The following SRGAP2C variants were observed in gnomAD, a reference collection of about 807,000 sequenced individuals.
SRGAP2C encodes the protein SLIT-ROBO Rho GTPase-activating protein 2C.
A neutral mutation model predicts 25.1 loss-of-function variants in SRGAP2C; 15 were observed. The observed-to-expected ratio is 0.60, with a 90% CI of 0.40 to 0.92. SRGAP2C has a LOEUF of 0.92. Among genes scored for constraint, SRGAP2C ranks in the 40% least tolerant of loss-of-function variants. SRGAP2C has a pLI of 0.00. For synonymous variants in SRGAP2C, 44 were observed against 96.6 expected (o/e 0.46, Z 3.19); for missense variants, 144 against 264.4 (o/e 0.54, Z 3.16).
At chr1:121,226,409 G>A (rs1553326556) in intron 2 of SRGAP2C, among the ~76,000 whole-genome samples, 1 of 149,548 alleles carries the variant, frequency 6.7e-6, no homozygotes, top group East Asian at 2.0e-4. Context: ...TCTTGTTTAT[G>A]TTAACTGTGT....
intron 2 of SRGAP2C, among the ~76,000 whole-genome samples, chr1:121,222,136 T>G (rs1197007170): frequency 6.6e-6 from 1 of 152,026 alleles, no homozygotes; most frequent in African/African-American, 2.4e-5. Context: ...GTGAGGTGGA[T>G]ATTATTGTCC....
At chr1:121,206,126 A>G (rs1232985310) in intron 2 of SRGAP2C, among the ~76,000 whole-genome samples, 3 of 150,866 alleles carry the variant, frequency 2.0e-5, no homozygotes, top group African/African-American at 7.3e-5. Flanking sequence ...CACAGCCCCC[A>G]CCGTGCTTAC....
chr1:121,285,226 A>G (rs1158252467), intron 3 of SRGAP2C, among the ~76,000 whole-genome samples: 3 of 151,198 alleles, frequency 2.0e-5, no homozygotes, highest in Non-Finnish European at 4.4e-5. Context: ...AAACTTGTTT[A>G]TAGCTCTGTT....
chr1:121,368,466 G>A (rs1184419311), intron 5 of SRGAP2C, among the ~76,000 whole-genome samples: 3 of 149,166 alleles, frequency 2.0e-5, no homozygotes, highest in African/African-American at 4.9e-5. Flanking sequence ...ATTAAGATAG[G>A]TTTAGGACTG....
chr1:121,366,811 G>A (rs587769226), intron 5 of SRGAP2C, among the ~76,000 whole-genome samples: 148 of 151,476 alleles, frequency 9.8e-4, no homozygotes, highest in African/African-American at 3.4e-3. Context: ...TTTCTGGGGA[G>A]GGGTAGTTTG....
intron 3 of SRGAP2C, among the ~76,000 whole-genome samples, chr1:121,315,349 C>A (rs1199677636): frequency 1.4e-5 from 2 of 147,064 alleles, no homozygotes; most frequent in African/African-American, 5.0e-5. Context: ...TTTTGAGACC[C>A]AGAATGCATT....
intron 4 of SRGAP2C, chr1:121,360,164 A>T (rs1659158481): frequency 6.6e-6 from 1 of 150,596 alleles, no homozygotes; most frequent in Non-Finnish European, 1.5e-5. Flanking sequence ...CTCCGGACAC[A>T]TAAGTACTTT....
At chr1:121,366,344 G>T in intron 5 of SRGAP2C, among the ~76,000 whole-genome samples, 1 of 118,742 alleles carries the variant, frequency 8.4e-6, no homozygotes, top group African/African-American at 3.1e-5. Context: ...CAGGCATTTG[G>T]GATCAGATGT....
chr1:121,304,210 CAAAAAAAA>C (rs1174072520), intron 3 of SRGAP2C, among the ~76,000 whole-genome samples: 2 of 21,382 alleles, frequency 9.4e-5, no homozygotes, highest in African/African-American at 4.0e-4. Context: ...GACTCCATAT[CAAAAAAAA>C]AAAAAAAAAA....
chr1:121,362,589 C>T (rs1659221171), intron 4 of SRGAP2C, among the ~76,000 whole-genome samples: 1 of 151,392 alleles, frequency 6.6e-6, no homozygotes, highest in Non-Finnish European at 1.5e-5. Context: ...TCTCCTTTAA[C>T]CTCTGCCATT....
intron 4 of SRGAP2C, among the ~76,000 whole-genome samples, chr1:121,338,490 T>C (rs1658570102): frequency 9.5e-6 from 1 of 104,906 alleles, no homozygotes; most frequent in Non-Finnish European, 1.9e-5. Context: ...CTCTGGTCTT[T>C]TAGTTTTTCT....
chr1:121,190,040 G>A (rs1322773360), intron 2 of SRGAP2C, among the ~76,000 whole-genome samples: 1 of 151,088 alleles, frequency 6.6e-6, no homozygotes, highest in African/African-American at 2.4e-5. Flanking sequence ...TGGCCATACA[G>A]CTGTGAAGAA....
intron 3 of SRGAP2C, among the ~76,000 whole-genome samples, chr1:121,320,978 T>C (rs1658191692): frequency 2.0e-5 from 3 of 152,318 alleles, no homozygotes; most frequent in Admixed American, 6.5e-5. Flanking sequence ...AGTTATAGGC[T>C]CACCTGTACA....
chr1:121,358,201 A>AT (rs1444412843), intron 4 of SRGAP2C, among the ~76,000 whole-genome samples: 1 of 151,952 alleles, frequency 6.6e-6, no homozygotes, highest in Non-Finnish European at 1.5e-5. Flanking sequence ...ATGCAGCTAT[A>AT]TTGTTTAGTT....
intron 2 of SRGAP2C, among the ~76,000 whole-genome samples, chr1:121,191,894 TC>T (rs1263061114): frequency 2.1e-5 from 3 of 142,600 alleles, no homozygotes; most frequent in East Asian, 4.0e-4. Context: ...AGGGGTCTTG[TC>T]TTTTTTTTTT....
intron 2 of SRGAP2C, among the ~76,000 whole-genome samples, chr1:121,249,580 ATT>A (rs1159053572): frequency 0.031 from 679 of 22,184 alleles, 29 homozygotes; most frequent in East Asian, 0.1. Flanking sequence ...ATATATATAT[ATT>A]TTTTTTTTTT....
At chr1:121,230,955 T>C (rs1553327456) in intron 2 of SRGAP2C, among the ~76,000 whole-genome samples, 1 of 140,320 alleles carries the variant, frequency 7.1e-6, no homozygotes, top group African/African-American at 2.7e-5. Flanking sequence ...AAACACCGCA[T>C]GTTCTCACTC....
At chr1:121,336,137 C>A (rs1331711424) in intron 4 of SRGAP2C, among the ~76,000 whole-genome samples, 1 of 152,124 alleles carries the variant, frequency 6.6e-6, no homozygotes, top group Non-Finnish European at 1.5e-5. Flanking sequence ...ATGCCAAATT[C>A]TATCTTCCTT....
At chr1:121,253,857 ACTTT>A (rs1346394934) in intron 2 of SRGAP2C, among the ~76,000 whole-genome samples, 1 of 149,134 alleles carries the variant, frequency 6.7e-6, no homozygotes, top group Non-Finnish European at 1.5e-5. Context: ...TATTTTGAGT[ACTTT>A]CTTGTGCAGT....
Sources: allele counts gnomAD v4.1 joint callset (sites outside exome capture counted in the v4.1 genomes callset), GRCh38; gene constraint gnomAD v4.1.1; transcripts MANE v1.5; gene names NCBI Gene and HGNC (gene_info 2026-07-23, HGNC 2026-07-21).